The following STK31 variants were observed in gnomAD, a reference collection of about 807,000 sequenced individuals.
STK31 encodes the protein serine/threonine-protein kinase 31.
A neutral mutation model predicts 129.7 loss-of-function variants in STK31; 89 were observed. That is an observed-to-expected ratio of 0.69 (90% CI 0.58 to 0.82). STK31 has a LOEUF of 0.82. Ranked by LOEUF, STK31 falls within the 40% of genes least tolerant of loss-of-function variation. The pLI is 0.00. For missense variants in STK31, 1,187 were observed against 1,176.4 expected (o/e 1.01, Z -0.13); for synonymous variants, 448 against 395.3 (o/e 1.13, Z -1.58).
At chr7:23,745,846 G>A (rs538038942) in intron 8 of STK31, among the ~76,000 whole-genome samples, 14 of 152,140 alleles carry the variant, frequency 9.2e-5, no homozygotes, top group African/African-American at 7.2e-5. Context: ...CTTCTTGGGC[G>A]TAGAGTGGCT....
At chr7:23,745,059 C>A (rs1224305112) in intron 8 of STK31, among the ~76,000 whole-genome samples, 2 of 152,150 alleles carry the variant, frequency 1.3e-5, no homozygotes. Flanking sequence ...TCCAAGTGGT[C>A]TACACTGGTG....
At position 23,763,448 on chromosome 7, in the gene STK31, A is replaced by G. The variant is rs774217875; in HGVS notation, c.1416+525A>G. On this transcript the variant is annotated intron_variant, in intron 11 of 23. Coordinates refer to ENST00000355870, the MANE Select transcript of STK31 (RefSeq NM_031414.5). ...TTAATTCGGGGTGAATGAACATGAC[A>G]GTGTTAAGTAATTTCACCTAATAAT... Among the ~76,000 whole-genome samples, 44 of 152,198 alleles carry G rather than the reference A, an allele frequency of 2.9e-4. 1 individual carries two copies. The highest frequency in any genetic ancestry group is 2.0e-4 in the Admixed American group (3 of 15,286).
chr7:23,810,879 G>A (rs1317888939), intron 22 of STK31, among the ~76,000 whole-genome samples: 5 of 135,100 alleles, frequency 3.7e-5, no homozygotes, highest in Non-Finnish European at 6.2e-5. Context: ...ATATAAATAT[G>A]TATAATATAT....
chr7:23,733,796 C>A (rs965419006), intron 6 of STK31, among the ~76,000 whole-genome samples: 2 of 151,598 alleles, frequency 1.3e-5, no homozygotes, highest in African/African-American at 2.4e-5. Flanking sequence ...GCGACAAAGC[C>A]AGACTCCATT....
At chr7:23,734,010 G>T (rs2128078727) in intron 6 of STK31, among the ~76,000 whole-genome samples, 1 of 152,184 alleles carries the variant, frequency 6.6e-6, no homozygotes, top group East Asian at 1.9e-4. Flanking sequence ...TAGTTGAAGA[G>T]AAAATAGTTC....
chr7:23,786,903 C>T lies in STK31; in HGVS notation c.2466C>T (p.Ala822=), dbSNP rs1791318356. The change falls in exon 20 of 24, where the codon GCC becomes GCT. Residue 822 remains alanine, a synonymous_variant. Transcript: ENST00000355870. The stretch of plus-strand genomic sequence containing the variant: ...GGGCAAACCTGAATGCTGTTCAAGC[C>T]AACATGCCTTTAAATTCAGAAGTAA... The part of the protein sequence containing the change: ...YPRANLNAVQ[A]NMPLNSEETL... 6.2e-7 allele frequency: 1 copy of T among 1,613,608 alleles called. No homozygotes were observed.
At chr7:23,769,240 C>A in intron 12 of STK31, 66 bp downstream of exon 12, 1 of 1,396,340 alleles carries the variant, frequency 7.2e-7, no homozygotes, top group South Asian at 2.0e-5. Flanking sequence ...TTAAAAATCA[C>A]GCGCTTTGTT....
intron 4 of STK31, among the ~76,000 whole-genome samples, chr7:23,723,965 A>G (rs183503193): frequency 6.6e-6 from 1 of 152,290 alleles, no homozygotes; most frequent in Non-Finnish European, 1.5e-5. Flanking sequence ...GCCCGGAGGA[A>G]GGGGCTTGAT....
Position 23,820,133 on chromosome 7 carries a change from C to A in STK31, c.2829+4921C>A, listed in dbSNP as rs552563429. ...ATTTTTTTCCTTTTACACTTTTTCC[C>A]CATAATTCAATTCCATTGTTTCAGT... is the stretch of plus-strand genomic sequence containing the variant. On this transcript the variant is annotated intron_variant, in intron 23 of 23. Coordinates refer to ENST00000355870, the MANE Select transcript of STK31 (RefSeq NM_031414.5). Among the ~76,000 whole-genome samples, 3 of 152,214 alleles carry A rather than the reference C, an allele frequency of 2.0e-5. No individual in the cohort carries two copies. In the East Asian group the frequency reaches 5.8e-4, roughly 29 times the overall value.
intron 6 of STK31, among the ~76,000 whole-genome samples, chr7:23,730,874 A>T (rs71532908): frequency 0.19 from 10,941 of 58,880 alleles, 1,082 homozygotes; most frequent in Non-Finnish European, 0.26. Context: ...ATATATATAT[A>T]TATATTTTTT....
chr7:23,754,778 C>A (rs1011383611), intron 10 of STK31, among the ~76,000 whole-genome samples: 4 of 152,080 alleles, frequency 2.6e-5, no homozygotes, highest in Non-Finnish European at 5.9e-5. Flanking sequence ...TGTTAGTTTG[C>A]CGAAGATGAT....
chr7:23,778,668 T>C (rs1331551929), intron 15 of STK31, among the ~76,000 whole-genome samples: 2 of 152,020 alleles, frequency 1.3e-5, no homozygotes, highest in Non-Finnish European at 2.9e-5. Context: ...TCATACTTTG[T>C]TTTTCAGCTC....
intron 8 of STK31, among the ~76,000 whole-genome samples, chr7:23,742,154 CTCAGGCCAAGG>C (rs1392863865): frequency 6.6e-6 from 1 of 152,210 alleles, no homozygotes; most frequent in Non-Finnish European, 1.5e-5. Context: ...TCAGCCCAAA[CTCAGGCCAAGG>C]GCAGGACTCA....
In STK31 at chr7:23,786,705, T is replaced by G. The variant is rs1791302984; in HGVS notation, c.2400+72T>G. On this transcript the variant is annotated intron_variant, in intron 19 of 23. Coordinates refer to ENST00000355870, the MANE Select transcript of STK31 (RefSeq NM_031414.5). Reference sequence around the variant, plus strand: ...GAAACTATTTTATTTAAAATAAATTTTAGCTCCAGGTTTTAGAGCAGCAGT... The same window carrying G: ...GAAACTATTTTATTTAAAATAAATTGTAGCTCCAGGTTTTAGAGCAGCAGT... The G allele has an allele frequency of 6.4e-6, 10 of 1,565,878 alleles. No individual in the cohort carries two copies. In the South Asian group the frequency reaches 1.2e-4, roughly 19 times the overall value.
At chr7:23,794,630 G>A (rs1791840321) in intron 22 of STK31, among the ~76,000 whole-genome samples, 2 of 152,180 alleles carry the variant, frequency 1.3e-5, no homozygotes, top group South Asian at 4.1e-4. Flanking sequence ...CTAGAGACTT[G>A]TTGAATGGCT....
chr7:23,790,157 T>C (rs1264327863), intron 21 of STK31, among the ~76,000 whole-genome samples: 2 of 152,186 alleles, frequency 1.3e-5, no homozygotes, highest in African/African-American at 2.4e-5. Flanking sequence ...AGAAAAAAGA[T>C]AGCACTTAGT....
upstream of STK31, chr7:23,710,190 T>C (rs1785835947): frequency 6.2e-7 from 1 of 1,600,200 alleles, no homozygotes; most frequent in South Asian, 1.1e-5. Context: ...GGCGCAGCGC[T>C]GTGCACGCAG....
chr7:23,727,176 C>A, intron 4 of STK31, 65 bp from the exon 5 acceptor site: 1 of 1,348,336 alleles, frequency 7.4e-7, no homozygotes, highest in Non-Finnish European at 1.1e-6. Context: ...AAATGCTAAC[C>A]TTTATTCTGA....
chr7:23,785,129 C>T (rs551869966), intron 17 of STK31, among the ~76,000 whole-genome samples: 1 of 152,088 alleles, frequency 6.6e-6, no homozygotes, highest in Admixed American at 6.5e-5. Context: ...TCATTCCTCA[C>T]CCCCGTCCCA....
Sources: allele counts gnomAD v4.1 joint callset (sites outside exome capture counted in the v4.1 genomes callset), GRCh38; gene constraint gnomAD v4.1.1; transcripts MANE v1.5; gene names NCBI Gene and HGNC (gene_info 2026-07-23, HGNC 2026-07-21).